Variants in SMARCC1 observed in about 807,000 individuals in gnomAD.
SMARCC1 encodes SWI/SNF related BAF chromatin remodeling complex subunit C1.
In SMARCC1, 43 loss-of-function variants were observed where a neutral mutation model predicts 147.4. The observed-to-expected ratio is 0.29, with a 90% CI of 0.23 to 0.38. The LOEUF is 0.38. Ranked by LOEUF, SMARCC1 falls within the 10% of genes least tolerant of loss-of-function variation. The probability of loss-of-function intolerance (pLI) is 1.00; values close to 1 mark genes in which losing one functional copy is unlikely to be tolerated. For missense variants in SMARCC1, 1,119 were observed against 1,381.1 expected (o/e 0.81, Z 3.01); for synonymous variants, 495 against 484.4 (o/e 1.02, Z -0.29).
At chr3:47,591,370 C>A (rs146037385) in intron 26 of SMARCC1, among the ~76,000 whole-genome samples, 2 of 148,128 alleles carry the variant, frequency 1.4e-5, no homozygotes, top group Admixed American at 6.8e-5. Flanking sequence ...TTCCTGTCCA[C>A]AAATATTTCT....
intron 26 of SMARCC1, among the ~76,000 whole-genome samples, chr3:47,598,023 A>T (rs1393644115): frequency 6.6e-6 from 1 of 152,096 alleles, no homozygotes; most frequent in Non-Finnish European, 1.5e-5. Flanking sequence ...GCAAACAGAG[A>T]CTTACTATTC....
rs2032856030 is a variant in SMARCC1 at position 47,629,359 on chromosome 3, G to A, written c.2646+5831C>T. Among the ~76,000 whole-genome samples, 4 of 152,288 alleles carry A rather than the reference G, an allele frequency of 2.6e-5. No individual in the cohort carries two copies. The Middle Eastern group carries it at 0.01, about 388-fold the overall frequency. ...TGATATCATAATGAGATAAAGCCAT[G>A]AGAGATCTATTTTTCAGTGGGGGAA... On this transcript the variant is annotated intron_variant, in intron 24 of 27. Coordinates refer to ENST00000254480, the MANE Select transcript of SMARCC1 (RefSeq NM_003074.4).
Position 47,649,709 on chromosome 3 carries a change from C to G in SMARCC1, c.2321-10929G>C, listed in dbSNP as rs185972076. 1.8e-4 allele frequency among the ~76,000 whole-genome samples: 28 copies of G among 152,272 alleles called. No homozygotes were observed. The East Asian group carries it at 4.6e-3, about 25-fold the overall frequency. ...GTCCAAACCAGAATTGAGATGCAGA[C>G]AGTAAATCCACTCAGTAGCAAAAGA... On this transcript the variant is annotated intron_variant, in intron 21 of 27. Coordinates refer to ENST00000254480, the MANE Select transcript of SMARCC1 (RefSeq NM_003074.4).
chr3:47,639,251 C>A, intron 21 of SMARCC1, among the ~76,000 whole-genome samples: 1 of 152,212 alleles, frequency 6.6e-6, no homozygotes, highest in Middle Eastern at 3.4e-3. Flanking sequence ...ACACTATGAC[C>A]CAGATATTCA....
rs2035049532 is a variant in SMARCC1, at chr3:47,781,620, C to A, written c.178G>T (p.Gly60Cys). 1.3e-6 allele frequency: 2 copies of A among 1,550,612 alleles called. No homozygotes were observed. Among genetic ancestry groups the A allele is most frequent in the Non-Finnish European group, 8.7e-7 (1 of 1,153,024 alleles). ...SQLDSVRVWLGKHYKKYVHAD... is the reference protein window; with the variant it reads ...SQLDSVRVWLCKHYKKYVHAD... The stretch of plus-strand genomic sequence containing the variant: ...GAACCCACCTTCTTGTAGTGCTTGC[C>A]CAGCCAGACCCGCACCGAATCCAGC... Residue 60 changes from glycine to cysteine, a missense_variant, in exon 1 of 28, where the codon GGC becomes TGC. Coordinates refer to ENST00000254480, the MANE Select transcript of SMARCC1 (RefSeq NM_003074.4).
At chr3:47,634,795 T>G (rs1407042472) in intron 24 of SMARCC1, among the ~76,000 whole-genome samples, 1 of 152,216 alleles carries the variant, frequency 6.6e-6, no homozygotes, top group African/African-American at 2.4e-5. Context: ...GTGAAGTATT[T>G]AGGCAAGGAA....
intron 24 of SMARCC1, among the ~76,000 whole-genome samples, chr3:47,634,818 C>T (rs1179369159): frequency 6.6e-6 from 1 of 152,092 alleles, no homozygotes; most frequent in African/African-American, 2.4e-5. Flanking sequence ...AGGTTTTTGT[C>T]TTAAAAATCA....
intron 21 of SMARCC1, among the ~76,000 whole-genome samples, chr3:47,642,470 A>G (rs1485127074): frequency 6.6e-6 from 1 of 152,042 alleles, no homozygotes; most frequent in Non-Finnish European, 1.5e-5. Context: ...CATGCTAGTA[A>G]TCCCAGCTAC....
At chr3:47,780,771 C>T (rs1168238647) in intron 1 of SMARCC1, among the ~76,000 whole-genome samples, 1 of 151,952 alleles carries the variant, frequency 6.6e-6, no homozygotes, top group Non-Finnish European at 1.5e-5. Flanking sequence ...TTTTCGGCTA[C>T]CTGCTTCATT....
intron 2 of SMARCC1, among the ~76,000 whole-genome samples, chr3:47,764,363 C>T (rs2034810720): frequency 6.6e-6 from 1 of 151,944 alleles, no homozygotes. Context: ...TGTACATTGG[C>T]CATACTTCAG....
intron 21 of SMARCC1, among the ~76,000 whole-genome samples, chr3:47,642,472 C>T (rs1248644143): frequency 6.6e-6 from 1 of 152,074 alleles, no homozygotes; most frequent in Non-Finnish European, 1.5e-5. Flanking sequence ...TGCTAGTAAT[C>T]CCAGCTACTC....
intron 8 of SMARCC1, among the ~76,000 whole-genome samples, chr3:47,712,727 C>A (rs1308135110): frequency 6.6e-6 from 1 of 152,166 alleles, no homozygotes; most frequent in Non-Finnish European, 1.5e-5. Context: ...CCTGAGCTCT[C>A]AAGTCCTATG....
At position 47,710,695 on chromosome 3, in the gene SMARCC1, G is replaced by A. The variant is rs1433613659; in HGVS notation, c.906C>T (p.Thr302=). 1.2e-6 allele frequency: 2 copies of A among 1,613,482 alleles called. No individual in the cohort carries two copies. The highest frequency in any genetic ancestry group is 4.5e-5 in the East Asian group (2 of 44,848). The stretch of plus-strand genomic sequence containing the variant: ...CCAAAGAAAATACCTCTTCATTCTT[G>A]GTTGAAATCCGCTGACGAAAACTCA... ...KPVSFRQRIS[T]KNEEPVRSPE... The change falls in exon 9 of 28, where the codon ACC becomes ACT. Residue 302 remains threonine, a synonymous_variant. Transcript: ENST00000254480.
intron 26 of SMARCC1, among the ~76,000 whole-genome samples, chr3:47,594,791 G>A (rs1216807314): frequency 6.6e-6 from 1 of 152,156 alleles, no homozygotes; most frequent in Non-Finnish European, 1.5e-5. Context: ...CTTGTGGCGG[G>A]ACTGTGAGGC....
chr3:47,613,385 CTTTT>C (rs200905934), intron 25 of SMARCC1, among the ~76,000 whole-genome samples: 4 of 141,114 alleles, frequency 2.8e-5, no homozygotes, highest in Non-Finnish European at 4.7e-5. Flanking sequence ...GAACTTTTCT[CTTTT>C]TTTTTTTTTT....
chr3:47,681,441 A>G (rs1024223585), intron 14 of SMARCC1, among the ~76,000 whole-genome samples: 1 of 152,228 alleles, frequency 6.6e-6, no homozygotes, highest in Non-Finnish European at 1.5e-5. Context: ...ATTTTATGAC[A>G]TGTTACAGGT....
At position 47,710,758 on chromosome 3, in the gene SMARCC1, A is replaced by G; in HGVS notation, c.843T>C (p.Asn281=). The G allele has an allele frequency of 6.2e-7, 1 of 1,612,726 alleles. No individual in the cohort carries two copies. Among genetic ancestry groups the G allele is most frequent in the Non-Finnish European group, 8.5e-7 (1 of 1,179,094 alleles). ...TTTCATCCACCTCATAATCCTCCTCATTCATCCATTCATTGAAAATATCAG... is the reference window on the plus strand; with the variant it reads ...TTTCATCCACCTCATAATCCTCCTCGTTCATCCATTCATTGAAAATATCAG... ...LDTDIFNEWM[N]EEDYEVDENR... is the part of the protein sequence containing the mutation. The change falls in exon 9 of 28, where the codon AAT becomes AAC. Residue 281 remains asparagine (N), a synonymous_variant. Transcript: ENST00000254480.
intron 11 of SMARCC1, among the ~76,000 whole-genome samples, chr3:47,698,195 A>G (rs1034029416): frequency 2.6e-5 from 4 of 151,858 alleles, no homozygotes; most frequent in Non-Finnish European, 5.9e-5. Flanking sequence ...TTACAATTAA[A>G]TAATATTAAC....
At chr3:47,727,274 C>T (rs1183641330) in intron 6 of SMARCC1, among the ~76,000 whole-genome samples, 1 of 151,246 alleles carries the variant, frequency 6.6e-6, no homozygotes, top group Non-Finnish European at 1.5e-5. Context: ...TTTGGGAGGC[C>T]GAGGCAGGTG....
Sources: allele counts gnomAD v4.1 joint callset (sites outside exome capture counted in the v4.1 genomes callset), GRCh38; gene constraint gnomAD v4.1.1; transcripts MANE v1.5; gene names NCBI Gene and HGNC (gene_info 2026-07-23, HGNC 2026-07-21).